The following TENM3 variants were observed in gnomAD, a reference collection of about 807,000 sequenced individuals.
The protein encoded by TENM3 is teneurin-3.
TENM3 carries 63 observed loss-of-function variants against 255.1 expected under a neutral mutation model. The ratio of observed to expected loss-of-function variants is 0.25; its 90% CI spans 0.20 to 0.30. The LOEUF (loss-of-function observed/expected upper bound fraction) is 0.30. TENM3 is among the 10% of genes least tolerant of loss of function. TENM3 has a pLI of 1.00. For synonymous variants in TENM3, 1,306 were observed against 1,322.3 expected (o/e 0.99, Z 0.27); for missense variants, 2,929 against 3,461.1 (o/e 0.85, Z 3.86).
the TENM3 span, among the ~76,000 whole-genome samples, chr4:181,487,389 T>C: frequency 6.6e-6 from 1 of 152,136 alleles, no homozygotes; most frequent in African/African-American, 2.4e-5. Context: ...TTATAAACAA[T>C]AGAAATTAAC....
intron 19 of TENM3, among the ~76,000 whole-genome samples, chr4:182,749,751 A>T (rs1440737501): frequency 1.3e-5 from 2 of 152,206 alleles, no homozygotes; most frequent in Non-Finnish European, 2.9e-5. Flanking sequence ...CAAAAGATGT[A>T]CAACTGAGAA....
the TENM3 span, among the ~76,000 whole-genome samples, chr4:182,055,071 GC>G: frequency 1.3e-5 from 2 of 152,134 alleles, no homozygotes; most frequent in Non-Finnish European, 2.9e-5. Flanking sequence ...GCTCAACCAG[GC>G]ACAGTGGCTC....
chr4:181,938,954 G>A, the TENM3 span, among the ~76,000 whole-genome samples: 6 of 151,976 alleles, frequency 3.9e-5, no homozygotes, highest in African/African-American at 1.2e-4. Context: ...GTTTTTTGCT[G>A]GAAATTGTAC....
chr4:181,866,780 T>C, the TENM3 span, among the ~76,000 whole-genome samples: 1 of 152,194 alleles, frequency 6.6e-6, no homozygotes, highest in East Asian at 1.9e-4. Context: ...GCCTCCTCCA[T>C]AAAACTTTCG....
chr4:181,451,630 C>T, the TENM3 span, among the ~76,000 whole-genome samples: 1 of 151,960 alleles, frequency 6.6e-6, no homozygotes, highest in Non-Finnish European at 1.5e-5. Context: ...CCAGCTGGAT[C>T]AGAAAGAGAA....
At chr4:181,612,964 TA>T in the TENM3 span, among the ~76,000 whole-genome samples, 2 of 152,222 alleles carry the variant, frequency 1.3e-5, no homozygotes, top group Non-Finnish European at 2.9e-5. Flanking sequence ...CATCTATTTG[TA>T]GTACCTTTTT....
At chr4:182,228,160 G>A (rs2597158) in intron 1 of TENM3, among the ~76,000 whole-genome samples, 46,555 of 151,540 alleles carry the variant, frequency 0.31, 7,587 homozygotes, top group South Asian at 0.41. Context: ...GATCTAATGT[G>A]CAATCCGAGG....
chr4:181,842,922 G>A, the TENM3 span, among the ~76,000 whole-genome samples: 1 of 152,096 alleles, frequency 6.6e-6, no homozygotes, highest in African/African-American at 2.4e-5. Flanking sequence ...AATGAGTGAA[G>A]GACAAACCTC....
intron 24 of TENM3, among the ~76,000 whole-genome samples, chr4:182,775,848 T>A (rs781693560): frequency 1.3e-5 from 2 of 152,132 alleles, no homozygotes; most frequent in Non-Finnish European, 2.9e-5. Flanking sequence ...TATGGGAGAA[T>A]CAGAACATCT....
chr4:182,204,611 G>C (rs4632696), intron 1 of TENM3, among the ~76,000 whole-genome samples: 45,705 of 151,940 alleles, frequency 0.3, 6,950 homozygotes, highest in South Asian at 0.39. Context: ...GTGCCTCAAC[G>C]TAGTCAGCAC....
At chr4:182,243,186 C>T (rs1047313117), upstream of TENM3, among the ~76,000 whole-genome samples, 1 of 152,140 alleles carries the variant, frequency 6.6e-6, no homozygotes, top group African/African-American at 2.4e-5. Flanking sequence ...GTGATCTTGG[C>T]GCATTGAGAC....
rs1227842665 is a variant in TENM3 at position 182,751,894 on chromosome 4, A to G, written c.3724A>G (p.Lys1242Glu). ...AAACACCCGCAGAATTTATCGCCCA[A>G]AGTCACTTACGGGGGCAAAAGACTT... ...DTNTRRIYRP[K>E]SLTGAKDLTK... The change falls in exon 20 of 28, where the codon AAG becomes GAG. Residue 1242 changes from lysine (K) to glutamate (E), a missense_variant. Physicochemically the swap from Lys to Glu is moderately conservative, Grantham distance 56. This residue lies in a region of TENM3 where 1,608 missense variants were observed against 1,884.4 expected (regional missense o/e 0.85). Coordinates refer to ENST00000511685, the MANE Select transcript of TENM3 (RefSeq NM_001080477.4). The G allele has an allele frequency of 1.2e-6, 2 of 1,613,706 alleles. No individual in the cohort carries two copies. Among genetic ancestry groups the G allele is most frequent in the African/African-American group, 1.3e-5 (1 of 74,846 alleles).
the TENM3 span, among the ~76,000 whole-genome samples, chr4:181,725,696 C>T: frequency 6.6e-6 from 1 of 152,184 alleles, no homozygotes; most frequent in East Asian, 1.9e-4. Flanking sequence ...CCCATCTCGG[C>T]CTCTCAAAAT....
At chr4:181,841,603 C>T in the TENM3 span, among the ~76,000 whole-genome samples, 1 of 152,256 alleles carries the variant, frequency 6.6e-6, no homozygotes, top group Non-Finnish European at 1.5e-5. Flanking sequence ...ATTCTTCTGA[C>T]ATTTCAGTTT....
Position 182,207,225 on chromosome 4 carries a change from G to T in TENM3, c.-76+62471G>T, listed in dbSNP as rs140326713. Among the ~76,000 whole-genome samples, 769 of 152,264 alleles carry T rather than the reference G, an allele frequency of 5.1e-3. 2 individuals are homozygous for T. The highest frequency in any genetic ancestry group is 9.1e-3 in the Non-Finnish European group (618 of 68,016). On this transcript the variant is annotated intron_variant, in intron 1 of 2. Transcript: ENST00000512480. ...GTTGCTGCGTGGAATCTGAATCTTT[G>T]ACCCGGCAACAATAAAAGTGATTAT... is the stretch of plus-strand genomic sequence containing the variant.
At chr4:182,579,046 C>T (rs1192107390) in intron 3 of TENM3, among the ~76,000 whole-genome samples, 3 of 152,194 alleles carry the variant, frequency 2.0e-5, no homozygotes, top group Non-Finnish European at 4.4e-5. Flanking sequence ...GAATGGAAGT[C>T]CCATCTCCTC....
chr4:182,206,790 A>C (rs2149861387), intron 1 of TENM3, among the ~76,000 whole-genome samples: 1 of 152,334 alleles, frequency 6.6e-6, no homozygotes, highest in South Asian at 2.1e-4. Context: ...AGCAGAAGTT[A>C]CTGAGTATTC....
At chr4:182,522,947 C>G (rs112570174) in intron 3 of TENM3, among the ~76,000 whole-genome samples, 100 of 152,286 alleles carry the variant, frequency 6.6e-4, no homozygotes, top group African/African-American at 2.3e-3. Flanking sequence ...CCTTCGCATC[C>G]TCACCAGAAT....
At chr4:181,803,950 A>AAAAG in the TENM3 span, among the ~76,000 whole-genome samples, 1 of 51,566 alleles carries the variant, frequency 1.9e-5, no homozygotes, top group African/African-American at 4.9e-5. Context: ...AAAAAAAAAA[A>AAAAG]AAAGAAAGAA....
Sources: allele counts gnomAD v4.1 joint callset (sites outside exome capture counted in the v4.1 genomes callset), GRCh38; gene constraint gnomAD v4.1.1; regional missense constraint gnomAD v4.1.1; transcripts MANE v1.5; gene names NCBI Gene and HGNC (gene_info 2026-07-23, HGNC 2026-07-21).